Variants in CYLC2 observed in about 807,000 individuals in gnomAD.
The protein encoded by CYLC2 is cylicin-2.
CYLC2 carries 30 observed loss-of-function variants against 26.1 expected under a neutral mutation model. The observed-to-expected ratio is 1.15, with a 90% confidence interval of 0.86 to 1.56. The LOEUF (loss-of-function observed/expected upper bound fraction) is 1.56, where lower values mean the gene tolerates loss of function less well. CYLC2 is among the 40% of genes most tolerant of loss of function. The pLI is 0.00. For synonymous variants in CYLC2, 158 were observed against 132.8 expected (o/e 1.19, Z -1.31); for missense variants, 498 against 394.4 (o/e 1.26, Z -2.23).
rs1411377262 is a variant in CYLC2 at position 103,005,141 on chromosome 9, G to A, written c.510G>A (p.Lys170=). ...DSKKGKKDAE[K]GKDSATESED... ...AAAAAGGTAAAAAGGATGCAGAGAA[G>A]GGCAAAGACTCAGCAACAGAATCTG... The change falls in exon 5 of 8, where the codon AAG becomes AAA. Residue 170 remains lysine (K), a synonymous_variant. Coordinates refer to ENST00000374798, the MANE Select transcript of CYLC2 (RefSeq NM_001340.5). The A allele has an allele frequency of 6.2e-7, 1 of 1,606,016 alleles. No homozygotes were observed. The highest frequency in any genetic ancestry group is 1.4e-5 in the African/African-American group (1 of 74,000).
intron 6 of CYLC2, among the ~76,000 whole-genome samples, chr9:103,014,635 TCATATGTATATTATGCAGTATACAC>T (rs1300017140): frequency 4.6e-5 from 6 of 130,550 alleles, no homozygotes; most frequent in Non-Finnish European, 6.4e-5. Context: ...GCAGTATACA[TCATATGTATATTATGCAGTATACAC>T]CATATGTATA....
rs77662857 is a variant in CYLC2, at chr9:102,998,135, G to T, written c.17+2738G>T. On this transcript the variant is annotated intron_variant, in intron 1 of 7. Transcript: ENST00000374798. ...GAAGGTGGAATTTTAGCTTCTACATGCCATTTAATCTTGGTAAATATGAGG... is the reference window on the plus strand; with the variant it reads ...GAAGGTGGAATTTTAGCTTCTACATTCCATTTAATCTTGGTAAATATGAGG... 9.5e-3 allele frequency among the ~76,000 whole-genome samples: 1,439 copies of T among 151,928 alleles called. 62 individuals are homozygous for T. The East Asian group carries it at 0.16, about 17-fold the overall frequency.
At chr9:103,013,004 G>C (rs1216614073) in intron 6 of CYLC2, among the ~76,000 whole-genome samples, 1 of 148,628 alleles carries the variant, frequency 6.7e-6, no homozygotes, top group Non-Finnish European at 1.5e-5. Flanking sequence ...GAAAAAAAAG[G>C]AAAGGGTATG....
At chr9:103,012,810 CA>C (rs1422887483) in intron 6 of CYLC2, among the ~76,000 whole-genome samples, 1 of 151,026 alleles carries the variant, frequency 6.6e-6, no homozygotes, top group Non-Finnish European at 1.5e-5. Flanking sequence ...TTATTGGATG[CA>C]AAAGAAAATA....
rs1450654435 is a variant in CYLC2, at chr9:103,005,334, C to T, written c.703C>T (p.Gln235Ter). 1.9e-6 allele frequency: 3 copies of T among 1,613,586 alleles called. No individual in the cohort carries two copies. In the South Asian group the frequency reaches 3.3e-5, roughly 18 times the overall value. Residue 235 changes from glutamine (Q) to a stop codon, truncating the protein, a stop_gained, in exon 5 of 8, where the codon CAA becomes TAA. Transcript: ENST00000374798. LOFTEE classifies it low-confidence loss of function (END_TRUNC). ...KKGKDSAIEL[Q>*]AVKADEKKDE... ...GGGCAAGGATTCAGCCATAGAATTACAAGCTGTAAAAGCAGATGAAAAGAA... is the reference window on the plus strand; with the variant it reads ...GGGCAAGGATTCAGCCATAGAATTATAAGCTGTAAAAGCAGATGAAAAGAA...
intron 5 of CYLC2, among the ~76,000 whole-genome samples, chr9:103,008,850 C>T (rs544963991): frequency 5.3e-5 from 8 of 152,252 alleles, no homozygotes; most frequent in African/African-American, 1.9e-4. Context: ...TGTCTCTCCA[C>T]AACGCCATAT....
In CYLC2 at chr9:103,006,361, C is replaced by G. The variant is rs1587852765; in HGVS notation, c.*683C>G. The G allele has an allele frequency of 6.6e-6, 1 of 151,988 alleles. No homozygotes were observed. The highest frequency in any genetic ancestry group is 2.1e-4 in the South Asian group (1 of 4,814). 9.4% of individuals were successfully genotyped at this position (151,988 alleles called of 1,614,324 possible). On this transcript the variant is annotated 3_prime_UTR_variant, in exon 5 of 8. Coordinates refer to ENST00000374798, the MANE Select transcript of CYLC2 (RefSeq NM_001340.5). ...GGTTGTTGGATGTGCCACTTCCAAT[C>G]CAAAAGAAGCACACTTGGTAAGTCA...
intron 1 of CYLC2, among the ~76,000 whole-genome samples, chr9:102,999,068 CT>C (rs1441668548): frequency 1.3e-5 from 2 of 151,808 alleles, no homozygotes; most frequent in African/African-American, 4.8e-5. Context: ...AATAAAATTG[CT>C]ATGAACATTT....
chr9:102,997,759 A>G (rs1829251979), intron 1 of CYLC2, among the ~76,000 whole-genome samples: 1 of 151,958 alleles, frequency 6.6e-6, no homozygotes, highest in Admixed American at 6.6e-5. Context: ...AACACATCTA[A>G]GCAGAGATAC....
At chr9:103,006,754 C>A (rs1829355987) in intron 5 of CYLC2, among the ~76,000 whole-genome samples, 1 of 151,966 alleles carries the variant, frequency 6.6e-6, no homozygotes, top group Admixed American at 6.6e-5. Context: ...TAATTATTGT[C>A]TTTTTCATTT....
chr9:102,999,802 T>G (rs1414000372), intron 1 of CYLC2, among the ~76,000 whole-genome samples: 1 of 151,932 alleles, frequency 6.6e-6, no homozygotes, highest in Non-Finnish European at 1.5e-5. Context: ...CCTCATATTC[T>G]GGAAAGTAAA....
intron 6 of CYLC2, among the ~76,000 whole-genome samples, chr9:103,014,599 T>TATACATATGTATATTAC (rs1564101263): frequency 8.0e-5 from 8 of 99,752 alleles, no homozygotes; most frequent in Non-Finnish European, 1.6e-4. Flanking sequence ...ATGTATATTA[T>TATACATATGTATATTAC]GCAGTATACA....
At chr9:103,012,763 TAA>T (rs1212271702) in intron 6 of CYLC2, among the ~76,000 whole-genome samples, 2 of 151,806 alleles carry the variant, frequency 1.3e-5, no homozygotes, top group Non-Finnish European at 2.9e-5. Context: ...TAGTTATTAA[TAA>T]GTTATTATAT....
chr9:103,013,590 T>G (rs1829443338), intron 6 of CYLC2, among the ~76,000 whole-genome samples: 1 of 112,026 alleles, frequency 8.9e-6, no homozygotes, highest in Non-Finnish European at 1.6e-5. Context: ...TTACAATATA[T>G]AAATATATTT....
chr9:102,999,393 G>A (rs181674021), intron 1 of CYLC2, among the ~76,000 whole-genome samples: 1 of 151,800 alleles, frequency 6.6e-6, no homozygotes, highest in East Asian at 1.9e-4. Context: ...AGATGTCACT[G>A]GATATCATAT....
chr9:103,017,462 TG>T (rs1829519057), intron 7 of CYLC2, among the ~76,000 whole-genome samples: 1 of 152,076 alleles, frequency 6.6e-6, no homozygotes, highest in Non-Finnish European at 1.5e-5. Flanking sequence ...GCTCCTAATT[TG>T]GTTTACTGAA....
intron 5 of CYLC2, among the ~76,000 whole-genome samples, chr9:103,009,718 C>T (rs754691488): frequency 2.0e-4 from 30 of 152,054 alleles, no homozygotes; most frequent in Non-Finnish European, 3.2e-4. Context: ...CAATTCCCCA[C>T]TACCTTTTCC....
intron 1 of CYLC2, among the ~76,000 whole-genome samples, chr9:102,997,237 T>A (rs1014922739): frequency 6.6e-6 from 1 of 151,824 alleles, no homozygotes; most frequent in Non-Finnish European, 1.5e-5. Context: ...ATTCTGTCCA[T>A]TGTAAGATGC....
chr9:103,013,162 T>A (rs1243665192), intron 6 of CYLC2, among the ~76,000 whole-genome samples: 3 of 135,518 alleles, frequency 2.2e-5, no homozygotes, highest in African/African-American at 5.4e-5. Context: ...TAAATATATA[T>A]TATATAAATA....
Sources: allele counts gnomAD v4.1 joint callset (sites outside exome capture counted in the v4.1 genomes callset), GRCh38; gene constraint gnomAD v4.1.1; transcripts MANE v1.5; gene names NCBI Gene and HGNC (gene_info 2026-07-23, HGNC 2026-07-21).